The following SNRPN variants were observed in gnomAD, a reference collection of about 807,000 sequenced individuals.
SNRPN encodes the protein small nuclear ribonucleoprotein polypeptide N.
SNRPN carries 7 observed loss-of-function variants against 25.2 expected under a neutral mutation model. The ratio of observed to expected loss-of-function variants is 0.28; its 90% confidence interval spans 0.16 to 0.52. The LOEUF (loss-of-function observed/expected upper bound fraction) is 0.52. SNRPN is among the 20% of genes least tolerant of loss of function. SNRPN has a pLI of 0.96. For missense variants in SNRPN, 196 were observed against 322.5 expected (o/e 0.61, Z 3.00); for synonymous variants, 124 against 110.6 (o/e 1.12, Z -0.76).
chr15:24,967,787 AAC>A, intron 2 of SNRPN, 143 bp from the exon 3 acceptor site: 1 of 710,704 alleles, frequency 1.4e-6, no homozygotes, highest in Non-Finnish European at 2.3e-6. Flanking sequence ...CAGCCTGGGC[AAC>A]AGAATGAGAC....
chr15:24,846,183 A>T (rs1375663804), intron 2 of SNRPN, among the ~76,000 whole-genome samples: 2 of 152,198 alleles, frequency 1.3e-5, no homozygotes, highest in Non-Finnish European at 2.9e-5. Context: ...CAATCTGATC[A>T]GCATTTTCTA....
At chr15:24,895,618 T>C (rs2058039849) in intron 2 of SNRPN, among the ~76,000 whole-genome samples, 1 of 152,126 alleles carries the variant, frequency 6.6e-6, no homozygotes, top group Non-Finnish European at 1.5e-5. Flanking sequence ...CTCAGTTACA[T>C]ATCTGGCTCA....
intron 2 of SNRPN, among the ~76,000 whole-genome samples, chr15:24,838,374 TATCC>T (rs1257409246): frequency 6.6e-6 from 1 of 152,158 alleles, no homozygotes; most frequent in Non-Finnish European, 1.5e-5. Flanking sequence ...CTGGAGGTGA[TATCC>T]ATCCTTTTCC....
chr15:24,950,286 C>T (rs913676316), upstream of SNRPN, among the ~76,000 whole-genome samples: 5 of 151,936 alleles, frequency 3.3e-5, no homozygotes, highest in African/African-American at 9.7e-5. Context: ...AAGCGATTCT[C>T]CCACCTCAGC....
At chr15:24,938,475 A>G (rs550284498) in intron 3 of SNRPN, among the ~76,000 whole-genome samples, 22 of 152,012 alleles carry the variant, frequency 1.4e-4, no homozygotes, top group Non-Finnish European at 2.6e-4. Flanking sequence ...ACAGTGCTAA[A>G]TCTAGCACTG....
At position 24,975,431 on chromosome 15, in the gene SNRPN, T is replaced by A; in HGVS notation, c.77T>A (p.Ile26Asn). Residue 26 changes from isoleucine (I) to asparagine (N), a missense_variant, in exon 5 of 10, where the codon ATC becomes AAC. Coordinates refer to ENST00000390687, the MANE Select transcript of SNRPN (RefSeq NM_003097.6). ...AGATGTATCCTGCAAGATGGCCGAA[T>A]CTTCATTGGCACCTTTAAGGCTTTT... ...RMRCILQDGR[I>N]FIGTFKAFDK... is the part of the protein sequence containing the mutation. 6.2e-7 allele frequency: 1 copy of A among 1,613,390 alleles called. No individual in the cohort carries two copies. Among genetic ancestry groups the A allele is most frequent in the East Asian group, 2.2e-5 (1 of 44,850 alleles).
upstream of SNRPN, among the ~76,000 whole-genome samples, chr15:24,853,105 A>G (rs2053031817): frequency 6.6e-6 from 1 of 152,242 alleles, no homozygotes; most frequent in Admixed American, 6.5e-5. Context: ...AATTGGTAAT[A>G]TAAAGAGTTT....
chr15:24,889,957 G>A (rs975631052), intron 2 of SNRPN, among the ~76,000 whole-genome samples: 2 of 151,056 alleles, frequency 1.3e-5, no homozygotes, highest in East Asian at 4.0e-4. Context: ...GACTGAGGCA[G>A]GAGAATGGCT....
chr15:24,833,240 T>G (rs1005037548), intron 2 of SNRPN, among the ~76,000 whole-genome samples: 7 of 151,900 alleles, frequency 4.6e-5, no homozygotes, highest in Admixed American at 2.0e-4. Flanking sequence ...TGGAAGCTTA[T>G]GTCCATGTCT....
chr15:24,902,353 G>A (rs1403991474), intron 2 of SNRPN, among the ~76,000 whole-genome samples: 1 of 152,000 alleles, frequency 6.6e-6, no homozygotes, highest in Non-Finnish European at 1.5e-5. Context: ...GCTATCTAGA[G>A]GAAGAAAATT....
At chr15:24,971,475 G>A (rs1422801668) in intron 3 of SNRPN, among the ~76,000 whole-genome samples, 3 of 151,946 alleles carry the variant, frequency 2.0e-5, no homozygotes, top group East Asian at 1.9e-4. Flanking sequence ...GCTGTAGGAG[G>A]TCAACTCCTA....
chr15:24,962,450 T>C (rs949474606), intron 2 of SNRPN, among the ~76,000 whole-genome samples: 10 of 152,234 alleles, frequency 6.6e-5, no homozygotes, highest in African/African-American at 2.4e-4. Flanking sequence ...ATTTTATCTT[T>C]ATAAAATTTT....
At chr15:24,852,598 A>C (rs1010365625), upstream of SNRPN, among the ~76,000 whole-genome samples, 2 of 152,188 alleles carry the variant, frequency 1.3e-5, no homozygotes, top group African/African-American at 4.8e-5. Flanking sequence ...AAAACAAGAA[A>C]AACAGAATAA....
intron 2 of SNRPN, among the ~76,000 whole-genome samples, chr15:24,842,561 T>A (rs146044249): frequency 2.5e-4 from 38 of 152,224 alleles, no homozygotes; most frequent in African/African-American, 8.7e-4. Flanking sequence ...CTGGGTTACA[T>A]ATCTCAGGGC....
chr15:24,828,142 A>G (rs1040970375), intron 1 of SNRPN, among the ~76,000 whole-genome samples: 1 of 152,142 alleles, frequency 6.6e-6, no homozygotes, highest in Admixed American at 6.5e-5. Flanking sequence ...ATGAAATTAT[A>G]AAAGTCTTAA....
intron 2 of SNRPN, among the ~76,000 whole-genome samples, chr15:24,844,083 A>G (rs116001453): frequency 9.9e-5 from 15 of 151,894 alleles, no homozygotes; most frequent in African/African-American, 3.6e-4. Flanking sequence ...GTTACTCCAC[A>G]TCCTTACCAG....
chr15:24,884,906 G>A (rs1052837180), intron 1 of SNRPN, among the ~76,000 whole-genome samples: 1 of 152,124 alleles, frequency 6.6e-6, no homozygotes, highest in African/African-American at 2.4e-5. Flanking sequence ...ACTGAAAAGA[G>A]AGAGTTTATT....
intron 1 of SNRPN, among the ~76,000 whole-genome samples, chr15:24,884,297 G>A (rs1368984618): frequency 6.6e-6 from 1 of 152,140 alleles, no homozygotes; most frequent in Non-Finnish European, 1.5e-5. Flanking sequence ...TGGATCCACG[G>A]CACTTCAGCC....
chr15:24,910,128 G>A (rs1387675552), intron 2 of SNRPN, among the ~76,000 whole-genome samples: 1 of 152,124 alleles, frequency 6.6e-6, no homozygotes, highest in Admixed American at 6.5e-5. Context: ...GTTGCTAATG[G>A]GAGCCTGCCC....
Sources: allele counts gnomAD v4.1 joint callset (sites outside exome capture counted in the v4.1 genomes callset), GRCh38; gene constraint gnomAD v4.1.1; transcripts MANE v1.5; gene names NCBI Gene and HGNC (gene_info 2026-07-23, HGNC 2026-07-21).